SMARCD1: variants seen among roughly 807,000 people sequenced by gnomAD.
The protein encoded by SMARCD1 is SWI/SNF-related matrix-associated actin-dependent regulator of chromatin subfamily D member 1.
Under a neutral mutation model 70.8 loss-of-function variants are expected in SMARCD1, and 16 were observed. That is an observed-to-expected ratio of 0.23 (90% confidence interval 0.15 to 0.34). The LOEUF is 0.34. Ranked by LOEUF, SMARCD1 falls within the 10% of genes least tolerant of loss-of-function variation. SMARCD1 has a pLI of 1.00. For missense variants in SMARCD1, 409 were observed against 655.5 expected, an observed-to-expected ratio of 0.62 and a Z score of 4.11; for synonymous variants, 249 against 246.0, an observed-to-expected ratio of 1.01 and a Z score of -0.11.
rs986710998 is a variant in SMARCD1 at position 50,099,266 on chromosome 12, T to C, written c.*266T>C. 9 of 584,690 alleles carry C rather than the reference T, an allele frequency of 1.5e-5. No homozygotes were observed. The highest frequency in any genetic ancestry group is 1.5e-4 in the African/African-American group (8 of 53,602). 36.2% of individuals were successfully genotyped at this position (584,690 alleles called of 1,614,324 possible). On this transcript the variant is annotated 3_prime_UTR_variant, in exon 13 of 13. Transcript: ENST00000394963. ...TGGTCTACATAGGACCTCTAGATAG[T>C]GTTAGAGAGAGAACATGTAGTGGTA...
At position 50,087,057 on chromosome 12, in the gene SMARCD1, G is replaced by A. The variant is rs963690280; in HGVS notation, c.531+179G>A. 8.5e-6 allele frequency: 6 copies of A among 706,090 alleles called. No homozygotes were observed. The African/African-American group carries it at 1.1e-4, about 13-fold the overall frequency. 43.7% of individuals were successfully genotyped at this position (706,090 alleles called of 1,614,324 possible). On this transcript the variant is annotated intron_variant, in intron 4 of 12. Transcript: ENST00000394963. ...GGATAAGAACAGAATGGCAAAGGGG[G>A]AGGGGCTCTTGATGTCTCTTGCACT...
Position 50,085,550 on chromosome 12 carries a change from A to G in SMARCD1, c.177+4A>G, listed in dbSNP as rs1292594784. 3.5e-6 allele frequency: 4 copies of G among 1,143,432 alleles called. No homozygotes were observed. The highest frequency in any genetic ancestry group is 4.3e-6 in the Non-Finnish European group (4 of 938,554). 70.8% of individuals were successfully genotyped at this position (1,143,432 alleles called of 1,614,324 possible). ...GATGCCCGGAGCGGCCTATCCGGTG[A>G]GTGGGGCAGGAGGAGGGGCGCGCGG... On this transcript the variant is annotated splice_donor_region_variant and intron_variant, in intron 1 of 12. Coordinates refer to ENST00000394963, the MANE Select transcript of SMARCD1 (RefSeq NM_003076.5).
chr12:50,089,832 C>A, intron 6 of SMARCD1, 52 bp from the exon 7 acceptor site: 1 of 1,294,152 alleles, frequency 7.7e-7, no homozygotes, highest in Non-Finnish European at 1.1e-6. Context: ...TCTTCCCTCC[C>A]ACCCCAGCTC....
intron 6 of SMARCD1, among the ~76,000 whole-genome samples, chr12:50,089,629 A>G (rs563928076): frequency 3.3e-5 from 5 of 152,272 alleles, no homozygotes; most frequent in Non-Finnish European, 7.3e-5. Flanking sequence ...CATGTGTATT[A>G]TCCATTTTGT....
intron 9 of SMARCD1, 102 bp from the exon 10 acceptor site, chr12:50,094,335 A>C (rs1950873038): frequency 8.5e-7 from 1 of 1,171,662 alleles, no homozygotes; most frequent in Non-Finnish European, 1.2e-6. Context: ...GCCCTTTTAC[A>C]GTTAGCCCCT....
chr12:50,097,569 C>T (rs1385581456), intron 11 of SMARCD1, among the ~76,000 whole-genome samples: 1 of 150,114 alleles, frequency 6.7e-6, no homozygotes, highest in Non-Finnish European at 1.5e-5. Flanking sequence ...AGAAACTAGG[C>T]TAGTATGATA....
rs1297052641 is a variant in SMARCD1, at chr12:50,090,789, CT to C, written c.1133+201del. On this transcript the variant is annotated intron_variant, in intron 9 of 12. Transcript: ENST00000394963. Reference sequence around the variant, plus strand: ...GGTAACATATATTCAAAATGTATAACTTCCTAATTATTACATTTTATTGTAT... The same window carrying C: ...GGTAACATATATTCAAAATGTATAACTCCTAATTATTACATTTTATTGTAT... Among the ~76,000 whole-genome samples the C allele has an allele frequency of 4.7e-5, 7 of 147,984 alleles. No individual in the cohort carries two copies. In the East Asian group the frequency reaches 1.4e-3, roughly 29 times the overall value.
chr12:50,090,651 C>A, intron 9 of SMARCD1, 61 bp downstream of exon 9: 2 of 1,262,812 alleles, frequency 1.6e-6, no homozygotes, highest in Non-Finnish European at 2.3e-6. Flanking sequence ...TTTGCACAAG[C>A]CAGTTGTCAA....
rs771531874 is a variant in SMARCD1 at position 50,086,236 on chromosome 12, C to T, written c.253C>T (p.Pro85Ser). Reference protein sequence around the residue: ...SMGPPGYGGNPSVRPGLAQSG... With the variant: ...SMGPPGYGGNSSVRPGLAQSG... The stretch of plus-strand genomic sequence containing the variant: ...GGGACCCCCTGGCTATGGGGGGAAC[C>T]CTTCAGTCCGACCTGGCCTGGCCCA... Residue 85 changes from proline (P) to serine (S), a missense_variant, in exon 2 of 13, where the codon CCT (proline) becomes TCT (serine). Transcript: ENST00000394963. 5 of 1,612,656 alleles carry T rather than the reference C, an allele frequency of 3.1e-6. No individual in the cohort carries two copies. The South Asian group carries it at 5.5e-5, about 18-fold the overall frequency.
chr12:50,085,375 G>C lies in SMARCD1; in HGVS notation c.6G>C (p.Ala2=). 1 of 1,263,506 alleles carries C rather than the reference G, an allele frequency of 7.9e-7. No homozygotes were observed. The highest frequency in any genetic ancestry group is 9.9e-7 in the Non-Finnish European group (1 of 1,006,656). The allele number at this position is 1,263,506 out of a possible 1,614,324, so 78.3% of individuals were successfully genotyped here. A position where few individuals can be genotyped will look rare whatever the true frequency, so the allele number is the denominator to read the frequency against. ...GCATCGGCGGCTCCGGGAAGATGGC[G>C]GCCCGGGCGGGTTTCCAGTCTGTGG... M[A]ARAGFQSVAP... Residue 2 remains alanine (A), a synonymous_variant, in exon 1 of 13, where the codon GCG becomes GCC. Coordinates refer to ENST00000394963, the MANE Select transcript of SMARCD1 (RefSeq NM_003076.5).
chr12:50,086,213 G>T lies in SMARCD1; in HGVS notation c.230G>T (p.Gly77Val). 1.9e-6 allele frequency: 3 copies of T among 1,606,742 alleles called. No homozygotes were observed. The highest frequency in any genetic ancestry group is 2.6e-6 in the Non-Finnish European group (3 of 1,175,766). The change falls in exon 2 of 13, where the codon GGA becomes GTA. Residue 77 changes from glycine (G) to valine (V), a missense_variant. Coordinates refer to ENST00000394963, the MANE Select transcript of SMARCD1 (RefSeq NM_003076.5). ...ATGACACCTCAGGGACCTTCCATGGGACCCCCTGGCTATGGGGGGAACCCT... is the reference window on the plus strand; with the variant it reads ...ATGACACCTCAGGGACCTTCCATGGTACCCCCTGGCTATGGGGGGAACCCT... The part of the protein sequence containing the change: ...SRMTPQGPSM[G>V]PPGYGGNPSV...
intron 10 of SMARCD1, 84 bp from the exon 11 acceptor site, chr12:50,096,766 A>T: frequency 7.5e-7 from 1 of 1,331,334 alleles, no homozygotes; most frequent in Admixed American, 1.9e-5. Flanking sequence ...TGGAAGTGGC[A>T]TGTGGAGTTG....
chr12:50,086,868 G>A lies in SMARCD1; in HGVS notation c.521G>A (p.Arg174His). 1 of 1,614,116 alleles carries A rather than the reference G, an allele frequency of 6.2e-7. No homozygotes were observed. The highest frequency in any genetic ancestry group is 2.2e-5 in the East Asian group (1 of 44,878). ...CTAGATATCCAAGAGGCCTTGAAAC[G>A]TCCCATCAAGGTAACACAGGAAAGT... ...KRLDIQEALK[R>H]PIKQKRKLRI... Residue 174 changes from arginine to histidine, a missense_variant, in exon 4 of 13, where the codon CGT becomes CAT. Physicochemically the swap from Arg to His is conservative, Grantham distance 29. Coordinates refer to ENST00000394963, the MANE Select transcript of SMARCD1 (RefSeq NM_003076.5).
Position 50,099,034 on chromosome 12 carries a change from A to G in SMARCD1, c.*34A>G. The G allele has an allele frequency of 6.2e-7, 1 of 1,607,702 alleles. No individual in the cohort carries two copies. Among genetic ancestry groups the G allele is most frequent in the Non-Finnish European group, 8.5e-7 (1 of 1,174,300 alleles). ...CCACAGCCCTGATTCGACTGCACCA[A>G]TTCTTGATTTGGGCCCTGTGCTGCC... On this transcript the variant is annotated 3_prime_UTR_variant, in exon 13 of 13. Coordinates refer to ENST00000394963, the MANE Select transcript of SMARCD1 (RefSeq NM_003076.5).
At position 50,087,212 on chromosome 12, in the gene SMARCD1, T is replaced by C. The variant is rs1018441132; in HGVS notation, c.532-151T>C. 40 of 940,636 alleles carry C rather than the reference T, an allele frequency of 4.3e-5. 1 individual carries two copies. Among genetic ancestry groups the C allele is most frequent in the Non-Finnish European group, 3.2e-6 (2 of 622,700 alleles). The allele number at this position is 940,636 out of a possible 1,614,324, so 58.3% of individuals were successfully genotyped here. A position where few individuals can be genotyped will look rare whatever the true frequency, so the allele number is the denominator to read the frequency against. On this transcript the variant is annotated intron_variant, in intron 4 of 12. Transcript: ENST00000394963. ...TACTTAGGCTGATGGCCAGTACTCCTCTTCTAAATGGAATCTTCATCCACC... is the reference window on the plus strand; with the variant it reads ...TACTTAGGCTGATGGCCAGTACTCCCCTTCTAAATGGAATCTTCATCCACC...
intron 10 of SMARCD1, 23 bp downstream of exon 10, chr12:50,094,595 G>A: frequency 1.2e-6 from 2 of 1,609,562 alleles, no homozygotes; most frequent in South Asian, 2.2e-5. Flanking sequence ...GCCCTGGATA[G>A]TTGGGTACCA....
At chr12:50,096,786 A>G in intron 10 of SMARCD1, 64 bp from the exon 11 acceptor site, 2 of 1,528,292 alleles carry the variant, frequency 1.3e-6, no homozygotes, top group Non-Finnish European at 1.8e-6. Flanking sequence ...GTCAGGCACC[A>G]CCTGCCATTT....
At chr12:50,094,998 A>T (rs1950880152) in intron 10 of SMARCD1, among the ~76,000 whole-genome samples, 2 of 152,134 alleles carry the variant, frequency 1.3e-5, no homozygotes, top group Non-Finnish European at 2.9e-5. Context: ...AGGTTTCACC[A>T]TGTTGGCCAG....
Position 50,099,093 on chromosome 12 carries a change from G to T in SMARCD1, c.*93G>T. The T allele has an allele frequency of 8.5e-7, 1 of 1,174,128 alleles. No homozygotes were observed. The allele number at this position is 1,174,128 out of a possible 1,614,324, so 72.7% of individuals were successfully genotyped here. On this transcript the variant is annotated 3_prime_UTR_variant, in exon 13 of 13. Coordinates refer to ENST00000394963, the MANE Select transcript of SMARCD1 (RefSeq NM_003076.5). ...AGTATCTGCCTTGGTCTTGCTTGGGGCGTTCCAGGGGATGCTGTTGGTTCA... is the reference window on the plus strand; with the variant it reads ...AGTATCTGCCTTGGTCTTGCTTGGGTCGTTCCAGGGGATGCTGTTGGTTCA...
Sources: gnomAD v4.1 joint callset for allele counts (sites outside exome capture counted in the v4.1 genomes callset) on GRCh38, gnomAD v4.1.1 for gene constraint, MANE v1.5 for transcripts, NCBI Gene and HGNC (gene_info 2026-07-23, HGNC 2026-07-21) for gene names.